Variants in CWC25 observed in about 807,000 individuals in gnomAD.
CWC25 encodes the protein pre-mRNA-splicing factor CWC25 homolog.
A neutral mutation model predicts 54.6 loss-of-function variants in CWC25; 31 were observed. The ratio of observed to expected loss-of-function variants is 0.57; its 90% confidence interval spans 0.43 to 0.77. The LOEUF (loss-of-function observed/expected upper bound fraction) is 0.77, where lower values mean the gene tolerates loss of function less well. Ranked by LOEUF, CWC25 falls within the 30% of genes least tolerant of loss-of-function variation. CWC25 has a pLI of 0.00. For synonymous variants in CWC25, 151 were observed against 187.0 expected, an observed-to-expected ratio of 0.81 and a Z score of 1.57; for missense variants, 453 against 529.3, an observed-to-expected ratio of 0.86 and a Z score of 1.41.
intron 2 of CWC25, among the ~76,000 whole-genome samples, chr17:38,820,374 A>AT (rs1318186759): frequency 6.6e-6 from 1 of 152,150 alleles, no homozygotes; most frequent in Non-Finnish European, 1.5e-5. Context: ...CTCGTATCCT[A>AT]TATTATACAA....
At chr17:38,814,515 C>T (rs898652126) in intron 3 of CWC25, among the ~76,000 whole-genome samples, 2 of 151,164 alleles carry the variant, frequency 1.3e-5, no homozygotes, top group Non-Finnish European at 2.9e-5. Flanking sequence ...CCGAGGCGGG[C>T]GGATCACAAG....
rs780395440 is a variant in CWC25, at chr17:38,815,117, A to G, written c.192-20T>C. On this transcript the variant is annotated intron_variant, in intron 2 of 9. Coordinates refer to ENST00000614790, the MANE Select transcript of CWC25 (RefSeq NM_017748.5). ...TTTTTCCTGGTTCAAGGGAAGAAAA[A>G]GAAATACAATTTCTTTAAAAAGCAG... 3.1e-6 allele frequency: 5 copies of G among 1,598,826 alleles called. No individual in the cohort carries two copies. In the African/African-American group the frequency reaches 4.0e-5, roughly 13 times the overall value.
At position 38,802,040 on chromosome 17, in the gene CWC25, T is replaced by C; in HGVS notation, c.*52A>G. On this transcript the variant is annotated 3_prime_UTR_variant, in exon 10 of 10. Transcript: ENST00000614790. ...AACTCTTATAAAGAGAATTAAGGGG[T>C]CAGCAGCTTCCCTGGAAAATGCAGG... 1 of 1,159,434 alleles carries C rather than the reference T, an allele frequency of 8.6e-7. No individual in the cohort carries two copies. Among genetic ancestry groups the C allele is most frequent in the Non-Finnish European group, 1.3e-6 (1 of 779,226 alleles). The allele number at this position is 1,159,434 out of a possible 1,614,324, so 71.8% of individuals were successfully genotyped here.
At chr17:38,806,694 G>T in intron 7 of CWC25, 71 bp downstream of exon 7, 1 of 1,375,718 alleles carries the variant, frequency 7.3e-7, no homozygotes, top group Non-Finnish European at 9.8e-7. Flanking sequence ...ATCACCAAAA[G>T]CAAAAACAAA....
chr17:38,806,754 C>G lies in CWC25; in HGVS notation c.902+11G>C, dbSNP rs774069651. The stretch of plus-strand genomic sequence containing the variant: ...AGTCACAGGTTATTTCCCAGTGAAT[C>G]CCACACTCACAGTTTGCTGGGTCTT... On this transcript the variant is annotated intron_variant, in intron 7 of 9. Coordinates refer to ENST00000614790, the MANE Select transcript of CWC25 (RefSeq NM_017748.5). The G allele has an allele frequency of 1.0e-5, 16 of 1,557,366 alleles. No individual in the cohort carries two copies. The highest frequency in any genetic ancestry group is 1.4e-5 in the Non-Finnish European group (16 of 1,155,296).
chr17:38,816,594 T>C (rs1911707699), intron 2 of CWC25, among the ~76,000 whole-genome samples: 1 of 151,966 alleles, frequency 6.6e-6, no homozygotes, highest in African/African-American at 2.4e-5. Flanking sequence ...TTTGAGGTTA[T>C]ATAACAACTG....
At chr17:38,812,458 T>C (rs905287193) in intron 4 of CWC25, among the ~76,000 whole-genome samples, 2 of 152,060 alleles carry the variant, frequency 1.3e-5, no homozygotes, top group African/African-American at 4.8e-5. Context: ...ATAAACCCCG[T>C]CTCTACTAAA....
rs757305990 is a variant in CWC25 at position 38,806,920 on chromosome 17, C to G, written c.747G>C (p.Lys249Asn). The G allele has an allele frequency of 6.8e-6, 11 of 1,613,884 alleles. No individual in the cohort carries two copies. The highest frequency in any genetic ancestry group is 1.7e-5 in the Admixed American group (1 of 60,000). Residue 249 changes from lysine to asparagine, a missense_variant, in exon 7 of 10, where the codon AAG (lysine) becomes AAC (asparagine). Coordinates refer to ENST00000614790, the MANE Select transcript of CWC25 (RefSeq NM_017748.5). The stretch of plus-strand genomic sequence containing the variant: ...AATGGTTCTTCATCCCATGCCCTCT[C>G]TTTTGCTCTGCTGTCAGAGGACCCT... ...GLQGPLTAEQ[K>N]RGHGMKNHSR...
chr17:38,810,068 T>C (rs626866), intron 5 of CWC25, among the ~76,000 whole-genome samples: 52,151 of 151,676 alleles, frequency 0.34, 11,061 homozygotes, highest in African/African-American at 0.6. Flanking sequence ...GCTGACTGCT[T>C]CCACAGGAAG....
intron 2 of CWC25, among the ~76,000 whole-genome samples, chr17:38,818,075 A>G (rs1567674994): frequency 6.7e-6 from 1 of 150,226 alleles, no homozygotes; most frequent in Non-Finnish European, 1.5e-5. Context: ...CAGGAGTTCA[A>G]GACTAGCCTG....
rs1912094752 is a variant in CWC25 at position 38,825,207 on chromosome 17, A to G, written c.-24T>C. On this transcript the variant is annotated 5_prime_UTR_variant, in exon 1 of 10. Transcript: ENST00000614790. ...ATGACGGTGGAGACGATTCCTCACT[A>G]CGCGGATCTGGAAGATTTCGGGAGG... 6.3e-7 allele frequency: 1 copy of G among 1,585,592 alleles called. No individual in the cohort carries two copies. Among genetic ancestry groups the G allele is most frequent in the African/African-American group, 1.4e-5 (1 of 73,632 alleles).
intron 1 of CWC25, among the ~76,000 whole-genome samples, chr17:38,822,331 G>A (rs2143608339): frequency 6.6e-6 from 1 of 152,208 alleles, no homozygotes; most frequent in Middle Eastern, 3.4e-3. Context: ...TCAAAGTGCT[G>A]GGATTACAGG....
rs200641145 is a variant in CWC25 at position 38,806,358 on chromosome 17, T to C, written c.940A>G (p.Thr314Ala). 343 of 1,613,706 alleles carry C rather than the reference T, an allele frequency of 2.1e-4. 3 individuals carry two copies. The African/African-American group carries it at 3.9e-3, about 18-fold the overall frequency. ...TCTTTTTTAGGTGATGGGCTCCTAG[T>C]TTGGCCTGTCTCTCTCCTGTTCACC... The part of the protein sequence containing the change: ...SKVNRRETGQ[T>A]RSPSPKKEVY... Residue 314 changes from threonine (T) to alanine (A), a missense_variant, in exon 8 of 10, where the codon ACT becomes GCT. Around this residue, in one of 2 missense-constraint regions of CWC25, gnomAD observed 444 missense variants for 499.2 expected, o/e 0.89. Coordinates refer to ENST00000614790, the MANE Select transcript of CWC25 (RefSeq NM_017748.5).
rs141435560 is a variant in CWC25, at chr17:38,805,812, G to A, written c.1001+485C>T. On this transcript the variant is annotated intron_variant, in intron 8 of 9. Transcript: ENST00000614790. ...CTGTGTCTGGCTTGGTTTTTGTTAAGAGACTTTTTTTTTTTTTTGAGACAA... is the reference window on the plus strand; with the variant it reads ...CTGTGTCTGGCTTGGTTTTTGTTAAAAGACTTTTTTTTTTTTTTGAGACAA... Among the ~76,000 whole-genome samples, 1,498 of 150,406 alleles carry A rather than the reference G, an allele frequency of 1.0e-2. 30 individuals carry two copies. The highest frequency in any genetic ancestry group is 0.035 in the African/African-American group (1,407 of 40,200).
intron 2 of CWC25, among the ~76,000 whole-genome samples, chr17:38,817,923 G>A (rs1911767014): frequency 6.7e-6 from 1 of 150,310 alleles, no homozygotes; most frequent in African/African-American, 2.5e-5. Context: ...CGGAGATTGT[G>A]CCACTGCACT....
At position 38,812,810 on chromosome 17, in the gene CWC25, C is replaced by T; in HGVS notation, c.483G>A (p.Lys161=). Residue 161 remains lysine, a synonymous_variant, in exon 4 of 10, where the codon AAG becomes AAA. Transcript: ENST00000614790. The part of the protein sequence containing the change: ...REVLNNPVKM[K]KIKELLQMSL... ...TACTACTTACCAATTCTTTGATTTT[C>T]TTCATTTTCACTGGATTATTTAATA... 6.6e-7 allele frequency: 1 copy of T among 1,519,700 alleles called. No individual in the cohort carries two copies. Among genetic ancestry groups the T allele is most frequent in the Non-Finnish European group, 8.9e-7 (1 of 1,117,990 alleles). The allele number at this position is 1,519,700 out of a possible 1,614,324, so 94.1% of individuals were successfully genotyped here. A position where few individuals can be genotyped will look rare whatever the true frequency, so the allele number is the denominator to read the frequency against.
intron 7 of CWC25, 159 bp from the exon 8 acceptor site, chr17:38,806,554 G>T: frequency 1.3e-6 from 1 of 752,300 alleles, no homozygotes; most frequent in Non-Finnish European, 2.1e-6. Flanking sequence ...TCACCCCAGA[G>T]CTCCCAAAGC....
At chr17:38,806,110 C>G (rs1240146722) in intron 8 of CWC25, among the ~76,000 whole-genome samples, 187 bp downstream of exon 8, 1 of 152,212 alleles carries the variant, frequency 6.6e-6, no homozygotes. Context: ...CCACGCCCAG[C>G]CTTACCTCGT....
At chr17:38,814,352 C>T (rs879902599) in intron 3 of CWC25, among the ~76,000 whole-genome samples, 2 of 149,876 alleles carry the variant, frequency 1.3e-5, no homozygotes, top group African/African-American at 2.5e-5. Flanking sequence ...GGCGTGATCT[C>T]GGCTCACTGC....
Sources: gnomAD v4.1 joint callset for allele counts (sites outside exome capture counted in the v4.1 genomes callset) on GRCh38, gnomAD v4.1.1 for gene constraint, gnomAD v4.1.1 regional missense constraint, MANE v1.5 for transcripts, NCBI Gene and HGNC (gene_info 2026-07-23, HGNC 2026-07-21) for gene names.